Variants in NCALD observed in about 807,000 individuals in gnomAD.
NCALD encodes the protein neurocalcin delta, also known as neurocalcin-delta.
A neutral mutation model predicts 18.6 loss-of-function variants in NCALD; 10 were observed. That is an observed-to-expected ratio of 0.54 (90% CI 0.33 to 0.91). NCALD has a LOEUF of 0.91. Among genes scored for constraint, NCALD ranks in the 40% least tolerant of loss-of-function variants. The pLI is 0.03. For synonymous variants in NCALD, 88 were observed against 87.4 expected (o/e 1.01, Z -0.04); for missense variants, 184 against 247.6 (o/e 0.74, Z 1.72).
At chr8:101,773,768 C>T (rs1811681117) in intron 1 of NCALD, among the ~76,000 whole-genome samples, 1 of 152,142 alleles carries the variant, frequency 6.6e-6, no homozygotes, top group South Asian at 2.1e-4. Context: ...AAACACATTT[C>T]CTAAATGTTG....
intron 4 of NCALD, among the ~76,000 whole-genome samples, chr8:101,841,017 G>A (rs1814623109): frequency 6.6e-6 from 1 of 152,182 alleles, no homozygotes; most frequent in South Asian, 2.1e-4. Context: ...GTGAAATCTA[G>A]TGAATAGAAT....
intron 3 of NCALD, among the ~76,000 whole-genome samples, chr8:101,906,679 A>G (rs1019855388): frequency 6.6e-6 from 1 of 152,220 alleles, no homozygotes; most frequent in African/African-American, 2.4e-5. Flanking sequence ...TTCAGTTGGT[A>G]TAGTCTTTTC....
chr8:101,689,319 C>A lies in NCALD; in HGVS notation c.572G>T (p.Gly191Val), dbSNP rs974804751. Reference sequence around the variant, plus strand: ...TGGTGGGCGCAGGGCTCAGAACTGGCCGGCACTGCTCGGGTCGCACTGCAG... The same window carrying A: ...TGGTGGGCGCAGGGCTCAGAACTGGACGGCACTGCTCGGGTCGCACTGCAG... Reference protein sequence around the residue: ...RLLQCDPSSAGQF With the variant: ...RLLQCDPSSAVQF The change falls in exon 4 of 4, where the codon GGC (glycine) becomes GTC (valine). Residue 191 changes from glycine to valine, a missense_variant. Gly to Val is a moderately radical substitution (Grantham distance 109). Coordinates refer to ENST00000220931, the MANE Select transcript of NCALD (RefSeq NM_032041.3). This position sits in a 1 kb window ranked among gnomAD's most constrained non-coding sequence, Gnocchi z 4.4. 6.2e-7 allele frequency: 1 copy of A among 1,613,668 alleles called. No homozygotes were observed. The highest frequency in any genetic ancestry group is 1.3e-5 in the African/African-American group (1 of 74,926).
At chr8:101,807,563 AG>A (rs1382412241) in intron 4 of NCALD, among the ~76,000 whole-genome samples, 2 of 152,140 alleles carry the variant, frequency 1.3e-5, no homozygotes, top group Non-Finnish European at 1.5e-5. Context: ...CCTTATTAAT[AG>A]GGTTATCTGG....
At chr8:102,079,203 G>GAGCTTT (rs1824446048) in intron 1 of NCALD, among the ~76,000 whole-genome samples, 1 of 152,166 alleles carries the variant, frequency 6.6e-6, no homozygotes, top group Non-Finnish European at 1.5e-5. Flanking sequence ...TAGCTTCAGT[G>GAGCTTT]AGCTTTAGCT....
At chr8:101,792,924 G>A (rs1812498760), upstream of NCALD, among the ~76,000 whole-genome samples, 1 of 150,996 alleles carries the variant, frequency 6.6e-6, no homozygotes, top group Non-Finnish European at 1.5e-5. Flanking sequence ...CTAAAATTCA[G>A]GACTTTAAAT....
chr8:102,079,609 G>A (rs747726132), intron 1 of NCALD, among the ~76,000 whole-genome samples: 5 of 152,118 alleles, frequency 3.3e-5, no homozygotes, highest in South Asian at 2.1e-4. Context: ...TATTAACTAC[G>A]GCTTTAAAGT....
At chr8:101,877,801 G>A (rs1816291220) in intron 4 of NCALD, among the ~76,000 whole-genome samples, 1 of 152,128 alleles carries the variant, frequency 6.6e-6, no homozygotes, top group Non-Finnish European at 1.5e-5. Context: ...ACTTAGAGCA[G>A]TGCCTCCCTC....
chr8:102,075,189 A>G (rs1362575721), intron 1 of NCALD, among the ~76,000 whole-genome samples: 3 of 152,246 alleles, frequency 2.0e-5, no homozygotes, highest in African/African-American at 7.2e-5. Context: ...AAGAGAACAT[A>G]TAACAAGTAG....
intron 1 of NCALD, among the ~76,000 whole-genome samples, chr8:102,077,728 GC>G (rs1382399368): frequency 1.3e-5 from 2 of 152,094 alleles, no homozygotes; most frequent in Non-Finnish European, 2.9e-5. Flanking sequence ...ACTGGAAGGG[GC>G]CCTACACCTT....
chr8:101,960,095 A>G (rs1819782728), intron 2 of NCALD, among the ~76,000 whole-genome samples: 2 of 152,144 alleles, frequency 1.3e-5, no homozygotes, highest in African/African-American at 4.8e-5. Flanking sequence ...CCTTTAGATG[A>G]TGCCATTTGC....
intron 1 of NCALD, among the ~76,000 whole-genome samples, chr8:102,121,388 A>G (rs929210923): frequency 6.6e-6 from 1 of 152,042 alleles, no homozygotes; most frequent in Non-Finnish European, 1.5e-5. Flanking sequence ...GGAGTTGGAG[A>G]GCTTGGAGTG....
chr8:102,018,418 A>G (rs1423934247), intron 2 of NCALD, among the ~76,000 whole-genome samples: 1 of 152,212 alleles, frequency 6.6e-6, no homozygotes, highest in African/African-American at 2.4e-5. Flanking sequence ...AACAATACAA[A>G]GGAACTAACC....
intron 3 of NCALD, among the ~76,000 whole-genome samples, chr8:101,889,290 G>A (rs566126445): frequency 6.6e-6 from 1 of 152,208 alleles, no homozygotes; most frequent in East Asian, 1.9e-4. Context: ...TGTTACATGA[G>A]AAAAAGTAAA....
At chr8:101,734,726 A>G (rs774083477) in intron 1 of NCALD, among the ~76,000 whole-genome samples, 1 of 152,206 alleles carries the variant, frequency 6.6e-6, no homozygotes, top group Admixed American at 6.5e-5. Context: ...TGCAGGAATC[A>G]ATGCTTTGTG....
chr8:101,692,328 C>T (rs11787378), intron 3 of NCALD: 551,808 of 985,118 alleles, frequency 0.56, 161,992 homozygotes, highest in Non-Finnish European at 0.6. Context: ...AACACAACAT[C>T]TCAGTGCATG....
chr8:101,771,209 G>A (rs1269304321), intron 1 of NCALD, among the ~76,000 whole-genome samples: 1 of 152,214 alleles, frequency 6.6e-6, no homozygotes, highest in Non-Finnish European at 1.5e-5. Context: ...GGCTAGGACT[G>A]TGTCTGACAT....
At chr8:101,774,822 T>C (rs1467065073) in intron 1 of NCALD, among the ~76,000 whole-genome samples, 1 of 152,214 alleles carries the variant, frequency 6.6e-6, no homozygotes, top group African/African-American at 2.4e-5. Context: ...TGGCTCTCTC[T>C]ATCTACTATA....
chr8:101,801,352 C>T (rs1408959943), intron 4 of NCALD, among the ~76,000 whole-genome samples: 1 of 151,794 alleles, frequency 6.6e-6, no homozygotes, highest in East Asian at 1.9e-4. Context: ...CCAATTTGAC[C>T]TAATTAATAT....
Sources: allele counts gnomAD v4.1 joint callset (sites outside exome capture counted in the v4.1 genomes callset), GRCh38; gene constraint gnomAD v4.1.1; non-coding constraint Gnocchi (gnomAD v3.1); transcripts MANE v1.5; gene names NCBI Gene and HGNC (gene_info 2026-07-23, HGNC 2026-07-21).